TBC1D21: variants seen among roughly 807,000 people sequenced by gnomAD.
The protein encoded by TBC1D21 is male germ cell Rab GTPase-activating protein.
A neutral mutation model predicts 46.0 loss-of-function variants in TBC1D21; 38 were observed. The observed-to-expected ratio is 0.83, with a 90% CI of 0.64 to 1.08. TBC1D21 has a LOEUF of 1.08. TBC1D21 is among the 50% of genes least tolerant of loss of function. The pLI is 0.00. For missense variants in TBC1D21, 415 were observed against 417.9 expected (o/e 0.99, Z 0.06); for synonymous variants, 151 against 157.2 (o/e 0.96, Z 0.29).
rs779929689 is a variant in TBC1D21 at position 73,884,772 on chromosome 15, C to T, written c.368-9C>T. The T allele has an allele frequency of 1.9e-6, 3 of 1,611,662 alleles. No homozygotes were observed. Among genetic ancestry groups the T allele is most frequent in the South Asian group, 2.2e-5 (2 of 90,878 alleles). ...GGTGCCACCTACTTGCCCCTTGCTTCCAACCTAGCACGTGACATTCAGAAA... is the reference window on the plus strand; with the variant it reads ...GGTGCCACCTACTTGCCCCTTGCTTTCAACCTAGCACGTGACATTCAGAAA... On this transcript the variant is annotated splice_polypyrimidine_tract_variant and intron_variant, in intron 4 of 10. Coordinates refer to ENST00000300504, the MANE Select transcript of TBC1D21 (RefSeq NM_153356.3).
intron 1 of TBC1D21, among the ~76,000 whole-genome samples, chr15:73,878,190 C>T (rs2071145619): frequency 6.6e-6 from 1 of 152,212 alleles, no homozygotes; most frequent in Non-Finnish European, 1.5e-5. Context: ...CTGCAAAGGT[C>T]ACAATAGAAT....
chr15:73,881,323 GA>G (rs2068149657), intron 1 of TBC1D21, 75 bp from the exon 2 acceptor site: 14 of 1,119,112 alleles, frequency 1.3e-5, no homozygotes, highest in Non-Finnish European at 1.9e-5. Context: ...GCAAAGTCCA[GA>G]ACATATTATT....
chr15:73,875,515 G>A (rs2068045691), intron 1 of TBC1D21, among the ~76,000 whole-genome samples: 1 of 152,180 alleles, frequency 6.6e-6, no homozygotes, highest in African/African-American at 2.4e-5. Flanking sequence ...CAATGATGCA[G>A]TGGGGAGAGG....
chr15:73,885,703 C>T (rs1213714288), intron 6 of TBC1D21, among the ~76,000 whole-genome samples: 1 of 151,894 alleles, frequency 6.6e-6, no homozygotes, highest in African/African-American at 2.4e-5. Context: ...GTGCTTGCTG[C>T]CCTTCCCTTG....
At chr15:73,902,200 ATTAT>A in the TBC1D21 span, among the ~76,000 whole-genome samples, 1 of 152,180 alleles carries the variant, frequency 6.6e-6, no homozygotes, top group African/African-American at 2.4e-5. Context: ...TTGGGGGACT[ATTAT>A]TTAGCCTACC....
At chr15:73,900,365 C>G in the TBC1D21 span, among the ~76,000 whole-genome samples, 3 of 152,222 alleles carry the variant, frequency 2.0e-5, no homozygotes, top group African/African-American at 4.8e-5. Context: ...GGCACACGAA[C>G]CATGTAACCA....
At chr15:73,897,971 G>GCA in the TBC1D21 span, among the ~76,000 whole-genome samples, 1 of 152,140 alleles carries the variant, frequency 6.6e-6, no homozygotes, top group Non-Finnish European at 1.5e-5. Flanking sequence ...CTGCCCCCCA[G>GCA]CACACACACA....
chr15:73,883,799 T>C (rs1180437045), intron 3 of TBC1D21, among the ~76,000 whole-genome samples: 1 of 152,220 alleles, frequency 6.6e-6, no homozygotes, highest in Non-Finnish European at 1.5e-5. Context: ...GCCAGTATTA[T>C]GCCCATTCTA....
At position 73,879,762 on chromosome 15, in the gene TBC1D21, C is replaced by A. The variant is rs16958425; in HGVS notation, c.61-1637C>A. 4.1e-3 allele frequency among the ~76,000 whole-genome samples: 625 copies of A among 152,324 alleles called. 8 individuals carry two copies. Among genetic ancestry groups the A allele is most frequent in the African/African-American group, 0.014 (601 of 41,548 alleles). ...TACATGTCTACTCAGCTCTGTCCAT[C>A]AGCACATCTTTATGTCTGCAATGTG... On this transcript the variant is annotated intron_variant, in intron 1 of 10. Transcript: ENST00000300504.
At chr15:73,899,715 G>T in the TBC1D21 span, among the ~76,000 whole-genome samples, 2 of 152,326 alleles carry the variant, frequency 1.3e-5, no homozygotes, top group Non-Finnish European at 2.9e-5. Flanking sequence ...GGACAGAATG[G>T]AGCCATAGAA....
chr15:73,908,489 C>G, the TBC1D21 span: 1 of 152,340 alleles, frequency 6.6e-6, no homozygotes, highest in Admixed American at 6.5e-5. Context: ...CTGCGGTCCT[C>G]CCTGCAGCCC....
At chr15:73,881,547 G>T in intron 2 of TBC1D21, 41 bp downstream of exon 2, 1 of 1,605,820 alleles carries the variant, frequency 6.2e-7, no homozygotes, top group South Asian at 1.1e-5. Flanking sequence ...CTGGAACTGG[G>T]AGCATGGATG....
At chr15:73,908,599 G>A in the TBC1D21 span, 1 of 152,684 alleles carries the variant, frequency 6.5e-6, no homozygotes, top group East Asian at 1.9e-4. Context: ...GGTAAAGAAT[G>A]GAGGGAGAAG....
At chr15:73,887,598 A>C in intron 8 of TBC1D21, 22 bp from the exon 9 acceptor site, 1 of 1,609,078 alleles carries the variant, frequency 6.2e-7, no homozygotes, top group Non-Finnish European at 8.5e-7. Flanking sequence ...CAGGGCCCAG[A>C]CTGAGACGTC....
downstream of TBC1D21, among the ~76,000 whole-genome samples, chr15:73,890,341 G>A (rs190021733): frequency 8.2e-4 from 125 of 152,298 alleles, no homozygotes; most frequent in Middle Eastern, 0.01. Context: ...GGTTGAGGGG[G>A]AATGCTGAAG....
At chr15:73,876,407 T>TG (rs1555428991) in intron 1 of TBC1D21, among the ~76,000 whole-genome samples, 9 of 147,348 alleles carry the variant, frequency 6.1e-5, no homozygotes, top group Non-Finnish European at 1.4e-4. Context: ...TTTGTTTTTT[T>TG]TTTTTTGTAT....
At chr15:73,898,880 A>AAAAATATATATATAT in the TBC1D21 span, among the ~76,000 whole-genome samples, 26 of 56,776 alleles carry the variant, frequency 4.6e-4, no homozygotes, top group African/African-American at 8.5e-4. Flanking sequence ...AAAAAAAAAA[A>AAAAATATATATATAT]ATATATATAT....
At chr15:73,904,455 G>T in the TBC1D21 span, among the ~76,000 whole-genome samples, 1 of 152,222 alleles carries the variant, frequency 6.6e-6, no homozygotes, top group Non-Finnish European at 1.5e-5. Context: ...AATCGGCTAT[G>T]GCAAGAGTAT....
chr15:73,886,390 G>C, intron 7 of TBC1D21, 122 bp from the exon 8 acceptor site: 1 of 972,170 alleles, frequency 1.0e-6, no homozygotes, highest in Non-Finnish European at 1.6e-6. Flanking sequence ...CTGGAAAAGG[G>C]GCGGCAGGCT....
Sources: allele counts gnomAD v4.1 joint callset (sites outside exome capture counted in the v4.1 genomes callset), GRCh38; gene constraint gnomAD v4.1.1; transcripts MANE v1.5; gene names NCBI Gene and HGNC (gene_info 2026-07-23, HGNC 2026-07-21).